DMXL2: variants seen among roughly 807,000 people sequenced by gnomAD.
DMXL2 encodes the protein Dmx like 2.
In DMXL2, 103 loss-of-function variants were observed where a neutral mutation model predicts 331.1. The ratio of observed to expected loss-of-function variants is 0.31; its 90% CI spans 0.27 to 0.37. DMXL2 has a LOEUF of 0.37. Ranked by LOEUF, DMXL2 falls within the 10% of genes least tolerant of loss-of-function variation. The pLI is 1.00. For synonymous variants in DMXL2, 1,281 were observed against 1,252.1 expected, an observed-to-expected ratio of 1.02 and a Z score of -0.49; for missense variants, 3,171 against 3,642.9, an observed-to-expected ratio of 0.87 and a Z score of 3.33.
chr15:51,499,695 C>G lies in DMXL2; in HGVS notation c.3529G>C (p.Glu1177Gln). Residue 1177 changes from glutamate to glutamine, a missense_variant, in exon 18 of 44, where the codon GAA (glutamate) becomes CAA (glutamine). Around this residue, in one of 7 missense-constraint regions of DMXL2, gnomAD observed 1,674 missense variants for 1,780.2 expected, o/e 0.94. Coordinates refer to ENST00000560891, the MANE Select transcript of DMXL2 (RefSeq NM_001378457.1). ...HLVHLDWVSK[E>Q]DGSHILTVGV... ...ACTGTAAGAATGTGGGAGCCATCTT[C>G]TTTTGATACCCAGTCCAAATGTACT... 6.2e-7 allele frequency: 1 copy of G among 1,614,022 alleles called. No individual in the cohort carries two copies. The highest frequency in any genetic ancestry group is 8.5e-7 in the Non-Finnish European group (1 of 1,179,986).
chr15:51,506,291 G>A (rs2046392484), intron 16 of DMXL2, among the ~76,000 whole-genome samples: 2 of 151,998 alleles, frequency 1.3e-5, no homozygotes, highest in South Asian at 2.1e-4. Flanking sequence ...TCGAATTCCT[G>A]TGCTCAAGCA....
At chr15:51,535,344 C>G (rs969910558) in intron 13 of DMXL2, among the ~76,000 whole-genome samples, 4 of 152,062 alleles carry the variant, frequency 2.6e-5, no homozygotes, top group African/African-American at 9.7e-5. Context: ...TGCCTTAAAA[C>G]TTCTTTTAAG....
Position 51,499,328 on chromosome 15 carries a change from G to A in DMXL2, c.3896C>T (p.Ser1299Leu), listed in dbSNP as rs774515934. 369 of 1,613,744 alleles carry A rather than the reference G, an allele frequency of 2.3e-4. No homozygotes were observed. Among genetic ancestry groups the A allele is most frequent in the South Asian group, 1.9e-3 (170 of 91,080 alleles). Residue 1299 changes from serine to leucine, a missense_variant, in exon 18 of 44, where the codon TCG becomes TTG. This residue lies in a region of DMXL2 where 1,674 missense variants were observed against 1,780.2 expected (regional missense o/e 0.94). Coordinates refer to ENST00000560891, the MANE Select transcript of DMXL2 (RefSeq NM_001378457.1). ...NAEEAAMQDH[S>L]TFKSNMLARK... ...TGCCAGCATATTAGATTTAAAGGTC[G>A]AATGATCTTGCATTGCTGCCTCTTC...
At chr15:51,492,119 A>C (rs950850400) in intron 19 of DMXL2, among the ~76,000 whole-genome samples, 1 of 152,248 alleles carries the variant, frequency 6.6e-6, no homozygotes, top group African/African-American at 2.4e-5. Flanking sequence ...CTAGGAAGGT[A>C]GGGCCCAGGC....
chr15:51,619,329 A>AAAAGGTG (rs1418535865), intron 1 of DMXL2, among the ~76,000 whole-genome samples: 1 of 152,258 alleles, frequency 6.6e-6, no homozygotes, highest in Admixed American at 6.5e-5. Context: ...AAAATTGTTC[A>AAAAGGTG]AAAGGTGATG....
At chr15:51,484,798 T>C (rs1317420312) in intron 23 of DMXL2, among the ~76,000 whole-genome samples, 1 of 151,970 alleles carries the variant, frequency 6.6e-6, no homozygotes, top group African/African-American at 2.4e-5. Context: ...CTCATTCAGA[T>C]ACAAAAGAAT....
chr15:51,515,561 T>C (rs920303440), intron 14 of DMXL2, among the ~76,000 whole-genome samples: 6 of 152,068 alleles, frequency 3.9e-5, no homozygotes, highest in African/African-American at 7.2e-5. Flanking sequence ...GGACAAACAA[T>C]AGATGAAAGT....
intron 1 of DMXL2, among the ~76,000 whole-genome samples, chr15:51,604,060 A>G (rs2053410174): frequency 2.0e-5 from 3 of 152,134 alleles, no homozygotes; most frequent in Admixed American, 2.0e-4. Context: ...AATATACCAT[A>G]ACGAAGTGGG....
chr15:51,534,664 TC>T (rs1163869361), intron 13 of DMXL2, among the ~76,000 whole-genome samples: 1 of 152,216 alleles, frequency 6.6e-6, no homozygotes, highest in East Asian at 1.9e-4. Context: ...TTTCTCTATG[TC>T]AAACCTTAAG....
rs761130190 is a variant in DMXL2, at chr15:51,479,997, G to C, written c.6707C>G (p.Thr2236Ser). The C allele has an allele frequency of 6.4e-7, 1 of 1,572,856 alleles. No individual in the cohort carries two copies. ...LNNHIHDILY[T>S]IVQMKTPPHP... ...AGGTGGTGTTTTCATCTGAACAATA[G>C]TATAAAGTATATCATGGATGTGATT... Residue 2236 changes from threonine to serine, a missense_variant, in exon 25 of 44, where the codon ACT (threonine) becomes AGT (serine). Thr to Ser is a moderately conservative substitution (Grantham distance 58). Transcript: ENST00000560891.
At chr15:51,529,834 G>A (rs548368532) in intron 13 of DMXL2, among the ~76,000 whole-genome samples, 2 of 152,084 alleles carry the variant, frequency 1.3e-5, no homozygotes, top group African/African-American at 4.8e-5. Context: ...TAACTCTGAT[G>A]AATATTGATG....
chr15:51,610,985 G>A (rs1567184537), intron 1 of DMXL2, among the ~76,000 whole-genome samples: 1 of 152,022 alleles, frequency 6.6e-6, no homozygotes, highest in Non-Finnish European at 1.5e-5. Flanking sequence ...TGCAGAGAAT[G>A]CAGATCTTGG....
chr15:51,464,920 C>T (rs369273208), intron 31 of DMXL2, 44 bp from the exon 32 acceptor site: 42 of 1,449,806 alleles, frequency 2.9e-5, no homozygotes, highest in Non-Finnish European at 3.8e-5. Flanking sequence ...TAAAAAATAT[C>T]GATCATCACC....
rs759370061 is a variant in DMXL2 at position 51,457,419 on chromosome 15, G to A, written c.8246C>T (p.Pro2749Leu). 3.1e-6 allele frequency: 5 copies of A among 1,614,162 alleles called. No individual in the cohort carries two copies. Among genetic ancestry groups the A allele is most frequent in the East Asian group, 4.5e-5 (2 of 44,888 alleles). Residue 2749 changes from proline (P) to leucine (L), a missense_variant, in exon 37 of 44, where the codon CCC (proline) becomes CTC (leucine). Around this residue, in one of 7 missense-constraint regions of DMXL2, gnomAD observed 766 missense variants for 940.5 expected, o/e 0.81. Coordinates refer to ENST00000560891, the MANE Select transcript of DMXL2 (RefSeq NM_001378457.1). Reference protein sequence around the residue: ...YRGSTTTLYQPSATSYSASQV... With the variant: ...YRGSTTTLYQLSATSYSASQV... ...ACTTGCTGAATAGGATGTTGCACTG[G>A]GTTGATAAAGAGTTGTAGTGGAACC...
At chr15:51,477,142 A>G (rs1405300822) in intron 26 of DMXL2, among the ~76,000 whole-genome samples, 1 of 152,076 alleles carries the variant, frequency 6.6e-6, no homozygotes, top group East Asian at 1.9e-4. Context: ...TTAACCCTAA[A>G]TTAAAGTTAT....
At chr15:51,514,071 G>A (rs1443941533) in intron 15 of DMXL2, among the ~76,000 whole-genome samples, 1 of 151,876 alleles carries the variant, frequency 6.6e-6, no homozygotes, top group African/African-American at 2.4e-5. Context: ...ATTCATCATT[G>A]GTCTGAAGCA....
chr15:51,557,121 T>C (rs1203666954), intron 6 of DMXL2, among the ~76,000 whole-genome samples: 2 of 152,168 alleles, frequency 1.3e-5, no homozygotes, highest in Non-Finnish European at 2.9e-5. Flanking sequence ...TATTCATAGA[T>C]TATATAATTG....
At position 51,605,559 on chromosome 15, in the gene DMXL2, C is replaced by T. The variant is rs1458357605; in HGVS notation, c.87+16900G>A. ...TTTTTTTTTTTTTTTTTTTTTGAGA[C>T]GGAGTCTCGCTCTGTCGCCCAGGCC... On this transcript the variant is annotated intron_variant, in intron 1 of 43. Transcript: ENST00000560891. Among the ~76,000 whole-genome samples the T allele has an allele frequency of 2.4e-4, 3 of 12,626 alleles. 1 individual carries two copies. Among genetic ancestry groups the T allele is most frequent in the African/African-American group, 4.8e-4 (3 of 6,306 alleles). 8.3% of individuals were successfully genotyped at this position (12,626 alleles called of 152,430 possible).
chr15:51,545,840 C>G, intron 7 of DMXL2, 74 bp from the exon 8 acceptor site: 1 of 1,320,288 alleles, frequency 7.6e-7, no homozygotes, highest in East Asian at 2.3e-5. Context: ...TTTGGTTCTT[C>G]ATGCATAAAG....
Sources: allele counts gnomAD v4.1 joint callset (sites outside exome capture counted in the v4.1 genomes callset), GRCh38; gene constraint gnomAD v4.1.1; regional missense constraint gnomAD v4.1.1; transcripts MANE v1.5; gene names NCBI Gene and HGNC (gene_info 2026-07-23, HGNC 2026-07-21).